Variants in UNC93A observed in about 807,000 individuals in gnomAD.
UNC93A encodes unc-93 homolog A.
In UNC93A, 43 loss-of-function variants were observed where a neutral mutation model predicts 47.5. That is an observed-to-expected ratio of 0.91 (90% CI 0.71 to 1.17). The LOEUF is 1.17. UNC93A is among the 50% of genes most tolerant of loss of function. UNC93A has a pLI of 0.00. For missense variants in UNC93A, 605 were observed against 577.6 expected, an observed-to-expected ratio of 1.05 and a Z score of -0.49; for synonymous variants, 280 against 258.0, an observed-to-expected ratio of 1.09 and a Z score of -0.82.
intron 1 of UNC93A, among the ~76,000 whole-genome samples, chr6:167,284,758 G>A (rs988971790): frequency 6.6e-5 from 10 of 152,270 alleles, no homozygotes; most frequent in Admixed American, 2.0e-4. Context: ...CCCTGGTCCC[G>A]TGTCCGGGGT....
intron 1 of UNC93A, among the ~76,000 whole-genome samples, chr6:167,274,549 A>G (rs536243053): frequency 6.6e-6 from 1 of 152,226 alleles, no homozygotes; most frequent in African/African-American, 2.4e-5. Context: ...CATTAACTCA[A>G]GGCCTGGATC....
rs1369067422 is a variant in UNC93A, at chr6:167,304,093, G to T, written c.800G>T (p.Ser267Ile). The change falls in exon 5 of 8, where the codon AGT becomes ATT. Residue 267 changes from serine to isoleucine, a missense_variant. Coordinates refer to ENST00000230256, the MANE Select transcript of UNC93A (RefSeq NM_018974.4). Reference sequence around the variant, plus strand: ...CTCTTAATTCTGCTGCCGCTGTACAGTGGATTGCAGCAAGGATTCCTCTCC... The same window carrying T: ...CTCTTAATTCTGCTGCCGCTGTACATTGGATTGCAGCAAGGATTCCTCTCC... ...LCLLILLPLY[S>I]GLQQGFLSSE... 2 of 1,614,070 alleles carry T rather than the reference G, an allele frequency of 1.2e-6. No individual in the cohort carries two copies. Among genetic ancestry groups the T allele is most frequent in the East Asian group, 2.2e-5 (1 of 44,902 alleles).
rs149310329 is a variant in UNC93A, at chr6:167,291,424, A to G, written c.-66A>G. 1,278 of 1,442,900 alleles carry G rather than the reference A, an allele frequency of 8.9e-4. 13 individuals carry two copies. The African/African-American group carries it at 0.014, about 16-fold the overall frequency. 89.4% of individuals were successfully genotyped at this position (1,442,900 alleles called of 1,614,324 possible). ...TACTGATTGTTTTTCCCATGCCTCA[A>G]TTGGTTTCTTTTAGGGAGCTACAAA... On this transcript the variant is annotated 5_prime_UTR_variant, in exon 1 of 8. Coordinates refer to ENST00000230256, the MANE Select transcript of UNC93A (RefSeq NM_018974.4).
intron 1 of UNC93A, among the ~76,000 whole-genome samples, chr6:167,280,593 AGAGC>A (rs1463252315): frequency 6.6e-6 from 1 of 152,168 alleles, no homozygotes; most frequent in Non-Finnish European, 1.5e-5. Flanking sequence ...AGTCAGACAG[AGAGC>A]CCCGAGGCCG....
chr6:167,297,755 C>T (rs1555032), intron 3 of UNC93A, among the ~76,000 whole-genome samples, 190 bp from the exon 4 acceptor site: 33,379 of 152,024 alleles, frequency 0.22, 3,906 homozygotes, highest in African/African-American at 0.29. Flanking sequence ...TGTCTTAAAT[C>T]GAGTCTAGGG....
At chr6:167,303,850 A>G (rs1388420959) in intron 4 of UNC93A, 69 bp from the exon 5 acceptor site, 1 of 1,532,494 alleles carries the variant, frequency 6.5e-7, no homozygotes. Flanking sequence ...AGTGACTGAA[A>G]CAAATCCTTG....
At chr6:167,313,301 C>G (rs1046703464) in intron 7 of UNC93A, among the ~76,000 whole-genome samples, 10 of 152,176 alleles carry the variant, frequency 6.6e-5, no homozygotes, top group African/African-American at 2.2e-4. Context: ...AGCTCTTTCT[C>G]TCTTTGTTGT....
chr6:167,277,592 C>T (rs981454044), intron 1 of UNC93A, among the ~76,000 whole-genome samples: 1 of 151,672 alleles, frequency 6.6e-6, no homozygotes, highest in Non-Finnish European at 1.5e-5. Context: ...CCACTGTCTC[C>T]ACCGTTCTCT....
rs147514798 is a variant in UNC93A, at chr6:167,315,386, G to C, written c.1308G>C (p.Pro436=). ...TGGAGTGCGTGGAGTCCAAGAACCC[G>C]ATCAGACCCCACGCTCCAGGACAGG... is the stretch of plus-strand genomic sequence containing the variant. ...GLVECVESKN[P]IRPHAPGQVN... Residue 436 remains proline (P), a synonymous_variant, in exon 8 of 8, where the codon CCG becomes CCC. Transcript: ENST00000230256. The C allele has an allele frequency of 1.9e-6, 3 of 1,613,918 alleles. No individual in the cohort carries two copies. Among genetic ancestry groups the C allele is most frequent in the Non-Finnish European group, 1.7e-6 (2 of 1,179,858 alleles).
intron 4 of UNC93A, 184 bp downstream of exon 4, chr6:167,298,254 C>A: frequency 2.2e-6 from 2 of 919,882 alleles, no homozygotes; most frequent in East Asian, 2.9e-5. Context: ...GCAGTACACC[C>A]GTGCTGTCTA....
rs905102291 is a variant in UNC93A at position 167,284,993 on chromosome 6, C to T, written c.-51-6446C>T. 3.9e-5 allele frequency among the ~76,000 whole-genome samples: 6 copies of T among 152,304 alleles called. No individual in the cohort carries two copies. The South Asian group carries it at 8.3e-4, about 21-fold the overall frequency. On this transcript the variant is annotated intron_variant, in intron 1 of 3. Transcript: ENST00000503433. ...CTTGTAGTCCTCTCCATAATCCTCT[C>T]CAGTTCTCAAAACACATCATCAGCT...
chr6:167,288,894 A>G (rs1158454170), upstream of UNC93A, among the ~76,000 whole-genome samples: 1 of 152,250 alleles, frequency 6.6e-6, no homozygotes. Flanking sequence ...GCTTTGTATC[A>G]CCCAGGGCAT....
At chr6:167,296,872 C>T (rs141183504) in intron 3 of UNC93A, among the ~76,000 whole-genome samples, 41 of 152,318 alleles carry the variant, frequency 2.7e-4, no homozygotes, top group African/African-American at 8.7e-4. Flanking sequence ...ACTTTCCCAA[C>T]GGGGTAAAAA....
intron 1 of UNC93A, among the ~76,000 whole-genome samples, chr6:167,292,790 G>A (rs189155593): frequency 1.3e-5 from 2 of 152,298 alleles, no homozygotes; most frequent in East Asian, 3.9e-4. Flanking sequence ...TCTGGAAGGA[G>A]GGAGTCTCAA....
At chr6:167,306,666 T>C (rs2346127) in intron 6 of UNC93A, among the ~76,000 whole-genome samples, 152,092 of 152,350 alleles carry the variant, frequency 1, 75,918 homozygotes, top group East Asian at 1. Context: ...GGTGAGCATC[T>C]GCCAGGGCCA....
upstream of UNC93A, among the ~76,000 whole-genome samples, chr6:167,269,546 G>T (rs1783418683): frequency 6.6e-6 from 1 of 152,124 alleles, no homozygotes; most frequent in South Asian, 2.1e-4. Flanking sequence ...GAAAGAGACT[G>T]CAGAGGGAAG....
chr6:167,276,249 A>T (rs962157592), intron 1 of UNC93A, among the ~76,000 whole-genome samples: 17 of 151,800 alleles, frequency 1.1e-4, no homozygotes, highest in Non-Finnish European at 2.4e-4. Flanking sequence ...TCATCCATTC[A>T]TCTGGTGGTG....
chr6:167,303,773 A>C (rs1017757526), intron 4 of UNC93A, 146 bp from the exon 5 acceptor site: 2 of 716,190 alleles, frequency 2.8e-6, no homozygotes, highest in Admixed American at 4.8e-5. Context: ...GAGATCCTTA[A>C]GCATGTTGTG....
intron 1 of UNC93A, among the ~76,000 whole-genome samples, chr6:167,278,979 C>A (rs569383059): frequency 6.6e-6 from 1 of 152,176 alleles, no homozygotes; most frequent in Non-Finnish European, 1.5e-5. Flanking sequence ...TTAACTTTGA[C>A]GAAAATCTTT....
Sources: gnomAD v4.1 joint callset for allele counts (sites outside exome capture counted in the v4.1 genomes callset) on GRCh38, gnomAD v4.1.1 for gene constraint, MANE v1.5 for transcripts, NCBI Gene and HGNC (gene_info 2026-07-23, HGNC 2026-07-21) for gene names.